Variants in HOMER2 observed in about 807,000 individuals in gnomAD.
HOMER2 encodes homer protein homolog 2.
A neutral mutation model predicts 47.0 loss-of-function variants in HOMER2; 27 were observed. The observed-to-expected ratio is 0.57, with a 90% CI of 0.42 to 0.79. The LOEUF is 0.79. Among genes scored for constraint, HOMER2 ranks in the 30% least tolerant of loss-of-function variants. The pLI, the probability that HOMER2 is intolerant of heterozygous loss-of-function variation, is 0.00. For synonymous variants in HOMER2, 161 were observed against 163.8 expected, an observed-to-expected ratio of 0.98 and a Z score of 0.13; for missense variants, 443 against 435.0, an observed-to-expected ratio of 1.02 and a Z score of -0.16.
intron 1 of HOMER2, among the ~76,000 whole-genome samples, chr15:82,930,540 C>G (rs1018606438): frequency 6.6e-6 from 1 of 152,202 alleles, no homozygotes; most frequent in Non-Finnish European, 1.5e-5. Context: ...CACAGATTCT[C>G]CAGAAGTTTC....
chr15:82,856,711 C>A (rs2051598848), intron 5 of HOMER2, among the ~76,000 whole-genome samples: 1 of 152,192 alleles, frequency 6.6e-6, no homozygotes, highest in Admixed American at 6.5e-5. Context: ...AAGTACCTGA[C>A]AAAGAGTCAC....
rs74665276 is a variant in HOMER2 at position 82,860,606 on chromosome 15, G to A, written c.388-1471C>T. On this transcript the variant is annotated intron_variant, in intron 4 of 8. Coordinates refer to ENST00000450735, the MANE Select transcript of HOMER2 (RefSeq NM_004839.4). The stretch of plus-strand genomic sequence containing the variant: ...CACAAAAGAAGAAAAGCATACAATC[G>A]ATAAACATAAAAATATTTAATCTCA... Among the ~76,000 whole-genome samples the A allele has an allele frequency of 2.7e-4, 41 of 152,132 alleles. No individual in the cohort carries two copies. The East Asian group carries it at 6.4e-3, about 24-fold the overall frequency.
intron 2 of HOMER2, among the ~76,000 whole-genome samples, chr15:82,879,168 T>C (rs1261563813): frequency 1.3e-5 from 2 of 152,228 alleles, no homozygotes; most frequent in Non-Finnish European, 2.9e-5. Flanking sequence ...TTCTCCTTCC[T>C]TTCATCTATT....
intron 1 of HOMER2, among the ~76,000 whole-genome samples, chr15:82,944,298 C>T (rs1334362714): frequency 6.6e-6 from 1 of 152,150 alleles, no homozygotes; most frequent in Non-Finnish European, 1.5e-5. Flanking sequence ...GCTCTCACCT[C>T]CAAACCTATA....
chr15:82,857,493 T>C (rs1277949399), intron 5 of HOMER2, among the ~76,000 whole-genome samples: 2 of 142,768 alleles, frequency 1.4e-5, no homozygotes, highest in African/African-American at 5.2e-5. Flanking sequence ...TGCAGTGGCG[T>C]GATCTTGGCT....
intron 3 of HOMER2, among the ~76,000 whole-genome samples, chr15:82,865,529 G>A (rs1271039898): frequency 6.6e-6 from 1 of 152,196 alleles, no homozygotes; most frequent in Non-Finnish European, 1.5e-5. Flanking sequence ...AGCTCCAAGT[G>A]TATCTAAGAA....
At chr15:82,869,981 G>A (rs1290537950) in intron 3 of HOMER2, among the ~76,000 whole-genome samples, 3 of 152,228 alleles carry the variant, frequency 2.0e-5, no homozygotes, top group South Asian at 2.1e-4. Context: ...AAAGGTTTCC[G>A]AAATGTATTG....
chr15:82,972,740 G>C (rs556403150), intron 1 of HOMER2, among the ~76,000 whole-genome samples: 1 of 152,158 alleles, frequency 6.6e-6, no homozygotes, highest in Admixed American at 6.5e-5. Flanking sequence ...CAAGAAAATG[G>C]AGATTGCCTC....
exon 2 of HOMER2, chr15:82,959,154 C>G (rs563143141): frequency 1.3e-5 from 2 of 152,436 alleles, no homozygotes; most frequent in East Asian, 1.9e-4. Flanking sequence ...TAAGCCTCGC[C>G]GTGTCTGACT....
intron 5 of HOMER2, among the ~76,000 whole-genome samples, chr15:82,855,021 T>C (rs977006921): frequency 6.6e-6 from 1 of 152,118 alleles, no homozygotes; most frequent in Admixed American, 6.5e-5. Context: ...TCTATCTTCT[T>C]AAAGAATCAC....
intron 1 of HOMER2, among the ~76,000 whole-genome samples, chr15:82,961,437 T>C (rs1219733211): frequency 6.6e-6 from 1 of 152,244 alleles, no homozygotes; most frequent in Non-Finnish European, 1.5e-5. Context: ...ATGCCATCTC[T>C]CCATTTGCAT....
exon 2 of HOMER2, chr15:82,840,829 A>G (rs552855885): frequency 1.9e-4 from 29 of 152,114 alleles, no homozygotes; most frequent in African/African-American, 6.3e-4. Context: ...CAACAACCCC[A>G]TATTTCCTAA....
At chr15:82,893,522 G>A (rs1042292508) in intron 1 of HOMER2, among the ~76,000 whole-genome samples, 1 of 151,712 alleles carries the variant, frequency 6.6e-6, no homozygotes, top group Non-Finnish European at 1.5e-5. Context: ...TAGTAGAGAC[G>A]GGGTTTCACT....
intron 1 of HOMER2, among the ~76,000 whole-genome samples, chr15:82,944,896 G>A (rs759282369): frequency 3.9e-5 from 6 of 152,142 alleles, no homozygotes; most frequent in Non-Finnish European, 8.8e-5. Flanking sequence ...GCAGAAGGGG[G>A]CCTTCGAGGT....
At chr15:82,840,131 T>C (rs2051161790) in exon 2 of HOMER2, 1 of 152,156 alleles carries the variant, frequency 6.6e-6, no homozygotes, top group South Asian at 2.1e-4. Context: ...AAGATGTATT[T>C]AGAGGAAAAG....
intron 1 of HOMER2, among the ~76,000 whole-genome samples, chr15:82,975,479 T>C (rs1432019343): frequency 2.0e-5 from 3 of 152,166 alleles, no homozygotes; most frequent in Admixed American, 6.5e-5. Context: ...CAACAGACAA[T>C]TGGATAAACA....
intron 1 of HOMER2, chr15:82,898,550 A>G (rs576722833): frequency 4.6e-5 from 7 of 152,246 alleles, no homozygotes; most frequent in East Asian, 1.9e-4. Flanking sequence ...CGTTCCTTGC[A>G]TAGTCTCTTT....
At chr15:82,836,265 T>C (rs373318225), downstream of HOMER2, among the ~76,000 whole-genome samples, 10 of 152,242 alleles carry the variant, frequency 6.6e-5, no homozygotes, top group Admixed American at 4.6e-4. Flanking sequence ...GTGTCTCCTA[T>C]TGCCCAGCTT....
exon 2 of HOMER2, chr15:82,839,119 T>C (rs777865975): frequency 1.3e-5 from 2 of 151,922 alleles, no homozygotes; most frequent in African/African-American, 4.8e-5. Context: ...CAAAATCTTA[T>C]CTGGTGGAAT....
Sources: gnomAD v4.1 joint callset for allele counts (sites outside exome capture counted in the v4.1 genomes callset) on GRCh38, gnomAD v4.1.1 for gene constraint, MANE v1.5 for transcripts, NCBI Gene and HGNC (gene_info 2026-07-23, HGNC 2026-07-21) for gene names.